Variants in COL8A1 observed in about 807,000 individuals in gnomAD.
COL8A1 encodes the protein collagen type VIII alpha 1 chain.
COL8A1 carries 21 observed loss-of-function variants against 42.7 expected under a neutral mutation model. The observed-to-expected ratio is 0.49, with a 90% confidence interval of 0.35 to 0.71. The LOEUF is 0.71. COL8A1 is among the 30% of genes least tolerant of loss of function. COL8A1 has a pLI of 0.01. For missense variants in COL8A1, 788 were observed against 962.4 expected (o/e 0.82, Z 2.40); for synonymous variants, 367 against 369.1 (o/e 0.99, Z 0.06).
At chr3:99,681,949 T>C (rs1309524734) in intron 1 of COL8A1, among the ~76,000 whole-genome samples, 2 of 152,192 alleles carry the variant, frequency 1.3e-5, no homozygotes, top group Admixed American at 6.5e-5. Context: ...AACCAGGGTG[T>C]TGGACTCCAG....
intron 1 of COL8A1, among the ~76,000 whole-genome samples, chr3:99,696,881 T>A (rs1939385250): frequency 6.6e-6 from 1 of 152,166 alleles, no homozygotes; most frequent in African/African-American, 2.4e-5. Context: ...CACCAACCTC[T>A]TAAACCCACT....
In COL8A1 at chr3:99,795,969, G is replaced by T. The variant is rs375350800; in HGVS notation, c.2068G>T (p.Asp690Tyr). The T allele has an allele frequency of 2.2e-5, 35 of 1,613,956 alleles. No homozygotes were observed. Among genetic ancestry groups the T allele is most frequent in the Non-Finnish European group, 2.9e-5 (34 of 1,179,988 alleles). Residue 690 changes from aspartate (D) to tyrosine (Y), a missense_variant, in exon 4 of 4, where the codon GAC (aspartate) becomes TAC (tyrosine). Asp to Tyr is a radical substitution (Grantham distance 160). This residue lies in a region of COL8A1 where 212 missense variants were observed against 210.9 expected (regional missense o/e 1.00). Coordinates refer to ENST00000652472, the MANE Select transcript of COL8A1 (RefSeq NM_020351.4). Reference protein sequence around the residue: ...KNNEPVMYTYDEYKKGFLDQA... With the variant: ...KNNEPVMYTYYEYKKGFLDQA... Reference sequence around the variant, plus strand: ...CAACGAGCCCGTGATGTACACGTACGACGAGTACAAAAAGGGCTTCCTGGA... The same window carrying T: ...CAACGAGCCCGTGATGTACACGTACTACGAGTACAAAAAGGGCTTCCTGGA...
rs750024152 is a variant in COL8A1 at position 99,795,781 on chromosome 3, C to T, written c.1880C>T (p.Pro627Leu). Residue 627 changes from proline (P) to leucine (L), a missense_variant, in exon 4 of 4, where the codon CCA becomes CTA. Pro to Leu is a moderately conservative substitution (Grantham distance 98). Around this residue, in one of 4 missense-constraint regions of COL8A1, gnomAD observed 212 missense variants for 210.9 expected, o/e 1.00. Transcript: ENST00000652472. ...AFTAELTAPF[P>L]PVGAPVKFNK... ...ACCGCCGAGCTAACCGCACCTTTCC[C>T]ACCGGTGGGGGCCCCAGTGAAGTTT... 8 of 1,614,066 alleles carry T rather than the reference C, an allele frequency of 5.0e-6. No homozygotes were observed. Among genetic ancestry groups the T allele is most frequent in the Non-Finnish European group, 6.8e-6 (8 of 1,179,980 alleles).
Position 99,754,666 on chromosome 3 carries a change from C to T in COL8A1, c.-4+9645C>T, listed in dbSNP as rs115893393. Among the ~76,000 whole-genome samples, 317 of 152,302 alleles carry T rather than the reference C, an allele frequency of 2.1e-3. 3 individuals are homozygous for T. Among genetic ancestry groups the T allele is most frequent in the African/African-American group, 7.2e-3 (299 of 41,564 alleles). On this transcript the variant is annotated intron_variant, in intron 2 of 3. Transcript: ENST00000652472. ...CTGTTCTCTGCCTCCCAAGGGTCCT[C>T]ACCAAAGAACTCCTACAGAAAGATC...
chr3:99,655,208 T>C (rs1576415589), intron 1 of COL8A1, among the ~76,000 whole-genome samples: 1 of 152,110 alleles, frequency 6.6e-6, no homozygotes, highest in African/African-American at 2.4e-5. Flanking sequence ...ATCATACCCA[T>C]CTCTACCCAG....
chr3:99,712,431 T>C lies in COL8A1; in HGVS notation c.-128-32466T>C, dbSNP rs145997904. Among the ~76,000 whole-genome samples, 353 of 152,252 alleles carry C rather than the reference T, an allele frequency of 2.3e-3. 7 individuals are homozygous for C. The highest frequency in any genetic ancestry group is 7.7e-3 in the African/African-American group (318 of 41,568). On this transcript the variant is annotated intron_variant, in intron 1 of 3. Coordinates refer to ENST00000652472, the MANE Select transcript of COL8A1 (RefSeq NM_020351.4). ...CCAATGGCAAAAAGTCATTTCAGTTTATTGTGATTCTTTTCCATAGTCCAC... is the reference window on the plus strand; with the variant it reads ...CCAATGGCAAAAAGTCATTTCAGTTCATTGTGATTCTTTTCCATAGTCCAC...
chr3:99,738,437 T>A (rs1940797805), intron 1 of COL8A1, among the ~76,000 whole-genome samples: 1 of 152,200 alleles, frequency 6.6e-6, no homozygotes, highest in South Asian at 2.1e-4. Context: ...TAGTTTTCCT[T>A]CTAACAGACA....
At chr3:99,769,981 G>C (rs1427622884) in intron 2 of COL8A1, among the ~76,000 whole-genome samples, 1 of 152,112 alleles carries the variant, frequency 6.6e-6, no homozygotes, top group Non-Finnish European at 1.5e-5. Context: ...TTTGATTCAA[G>C]CTTCTACAGA....
intron 1 of COL8A1, among the ~76,000 whole-genome samples, chr3:99,645,696 T>TAAAA (rs58309537): frequency 7.0e-6 from 1 of 141,884 alleles, no homozygotes; most frequent in African/African-American, 2.6e-5. Context: ...GTTTTCTTTT[T>TAAAA]AAAAAAAAAA....
chr3:99,684,766 A>G (rs1054121595), intron 1 of COL8A1, among the ~76,000 whole-genome samples: 2 of 152,222 alleles, frequency 1.3e-5, no homozygotes, highest in Non-Finnish European at 2.9e-5. Context: ...ACCTAATTGC[A>G]AAAAGTTGCC....
At chr3:99,697,237 C>T (rs1411892876) in intron 1 of COL8A1, among the ~76,000 whole-genome samples, 7 of 151,970 alleles carry the variant, frequency 4.6e-5, no homozygotes, top group South Asian at 4.1e-4. Flanking sequence ...CCGCCCGCCT[C>T]GGCCTCCCAA....
chr3:99,699,011 T>A (rs1280214649), intron 1 of COL8A1, among the ~76,000 whole-genome samples: 1 of 152,026 alleles, frequency 6.6e-6, no homozygotes, highest in African/African-American at 2.4e-5. Flanking sequence ...TGAAGGAGGA[T>A]GTGAAAAGCA....
chr3:99,763,642 C>T (rs2107428562), intron 2 of COL8A1, among the ~76,000 whole-genome samples: 1 of 152,060 alleles, frequency 6.6e-6, no homozygotes, highest in East Asian at 1.9e-4. Context: ...AAAAAACAAA[C>T]TTTCCCTAAA....
intron 1 of COL8A1, among the ~76,000 whole-genome samples, chr3:99,742,128 T>G (rs1335610840): frequency 6.6e-6 from 1 of 152,208 alleles, no homozygotes; most frequent in Admixed American, 6.5e-5. Context: ...AGAACAATAA[T>G]TTTTTGATCT....
chr3:99,641,620 A>G (rs1937509384), intron 1 of COL8A1, among the ~76,000 whole-genome samples: 1 of 152,200 alleles, frequency 6.6e-6, no homozygotes, highest in South Asian at 2.1e-4. Flanking sequence ...TTTGTAAGTT[A>G]AAAGTTAGAA....
chr3:99,763,356 TG>T (rs1026893047), intron 2 of COL8A1, among the ~76,000 whole-genome samples: 1 of 152,150 alleles, frequency 6.6e-6, no homozygotes, highest in African/African-American at 2.4e-5. Flanking sequence ...GAGGGAAGGA[TG>T]GGTTCCTTGG....
intron 1 of COL8A1, chr3:99,679,126 A>G (rs927959289): frequency 6.6e-6 from 1 of 152,232 alleles, no homozygotes. Flanking sequence ...TAGCCTGAAG[A>G]ATAAGATTGT....
chr3:99,774,786 G>A lies in COL8A1; in HGVS notation c.-3-15894G>A, dbSNP rs74638903. 6.3e-3 allele frequency among the ~76,000 whole-genome samples: 960 copies of A among 152,324 alleles called. 14 individuals are homozygous for A. Among genetic ancestry groups the A allele is most frequent in the African/African-American group, 0.018 (755 of 41,572 alleles). On this transcript the variant is annotated intron_variant, in intron 2 of 3. Coordinates refer to ENST00000652472, the MANE Select transcript of COL8A1 (RefSeq NM_020351.4). Reference sequence around the variant, plus strand: ...CAGGAGCCTCATTCTCCACTCATTAGTGAGTCTCCAGCACTTGTTGTGTCT... The same window carrying A: ...CAGGAGCCTCATTCTCCACTCATTAATGAGTCTCCAGCACTTGTTGTGTCT...
intron 1 of COL8A1, among the ~76,000 whole-genome samples, chr3:99,665,096 C>G (rs541584375): frequency 1.3e-5 from 2 of 152,180 alleles, no homozygotes; most frequent in Non-Finnish European, 2.9e-5. Flanking sequence ...CTCCATGCTC[C>G]CTCATCCCCT....
Sources: gnomAD v4.1 joint callset for allele counts (sites outside exome capture counted in the v4.1 genomes callset) on GRCh38, gnomAD v4.1.1 for gene constraint, gnomAD v4.1.1 regional missense constraint, MANE v1.5 for transcripts, NCBI Gene and HGNC (gene_info 2026-07-23, HGNC 2026-07-21) for gene names.